The following NPSR1 variants were observed in gnomAD, a reference collection of about 807,000 sequenced individuals.
NPSR1 encodes the protein neuropeptide S receptor.
Under a neutral mutation model 46.9 loss-of-function variants are expected in NPSR1, and 48 were observed. The observed-to-expected ratio is 1.02, with a 90% CI of 0.81 to 1.30. NPSR1 has a LOEUF of 1.30. Ranked by LOEUF, NPSR1 falls within the 50% of genes most tolerant of loss-of-function variation. The probability of loss-of-function intolerance (pLI) is 0.00; values close to 1 mark genes in which losing one functional copy is unlikely to be tolerated. For missense variants in NPSR1, 450 were observed against 449.5 expected (o/e 1.00, Z -0.01); for synonymous variants, 176 against 168.1 (o/e 1.05, Z -0.36).
intron 1 of NPSR1, among the ~76,000 whole-genome samples, chr7:34,666,331 ACCT>A (rs1465471031): frequency 6.8e-6 from 1 of 147,890 alleles, no homozygotes; most frequent in African/African-American, 2.5e-5. Context: ...CTTAGTTTCA[ACCT>A]CCTCCTCACT....
At chr7:34,877,567 A>G (rs2392287) in intron 8 of NPSR1, among the ~76,000 whole-genome samples, 21 of 152,294 alleles carry the variant, frequency 1.4e-4, no homozygotes, top group Middle Eastern at 3.4e-3. Context: ...GACTACACAC[A>G]CCTGATGAGG....
chr7:34,700,724 A>C (rs1292444568), intron 2 of NPSR1, among the ~76,000 whole-genome samples: 1 of 152,162 alleles, frequency 6.6e-6, no homozygotes, highest in East Asian at 1.9e-4. Context: ...GAATCTCAGC[A>C]TTTCTACTTC....
intron 3 of NPSR1, among the ~76,000 whole-genome samples, chr7:34,785,938 G>A (rs1413947137): frequency 6.6e-6 from 1 of 152,120 alleles, no homozygotes; most frequent in Non-Finnish European, 1.5e-5. Flanking sequence ...CCTTTTTACT[G>A]TTGGAAGGTC....
intron 2 of NPSR1, among the ~76,000 whole-genome samples, chr7:34,772,039 AT>A (rs1390090377): frequency 7.9e-5 from 12 of 152,310 alleles, no homozygotes; most frequent in African/African-American, 2.9e-4. Context: ...TTTCTGTACC[AT>A]TTATTGTAAC....
At chr7:34,678,911 G>A (rs2531840) in intron 1 of NPSR1, among the ~76,000 whole-genome samples, 60,509 of 151,842 alleles carry the variant, frequency 0.4, 12,540 homozygotes, top group South Asian at 0.47. Flanking sequence ...CCCGAAAAGA[G>A]AAGTATGTTA....
intron 4 of NPSR1, among the ~76,000 whole-genome samples, chr7:34,815,912 G>C (rs1444580434): frequency 6.6e-6 from 1 of 152,112 alleles, no homozygotes; most frequent in Non-Finnish European, 1.5e-5. Context: ...AGCTCCTGAA[G>C]GAAGCACTAA....
intron 4 of NPSR1, among the ~76,000 whole-genome samples, chr7:34,813,497 G>A (rs999107552): frequency 6.6e-6 from 1 of 152,138 alleles, no homozygotes; most frequent in Admixed American, 6.5e-5. Flanking sequence ...GGAAGTGGTA[G>A]AGCCATGGGC....
chr7:34,682,637 C>T (rs1057226125), intron 1 of NPSR1, among the ~76,000 whole-genome samples: 5 of 152,142 alleles, frequency 3.3e-5, no homozygotes, highest in Admixed American at 2.0e-4. Flanking sequence ...TGTCAGTCTA[C>T]GACATCAAAG....
At chr7:34,827,656 C>G (rs1584108137) in intron 5 of NPSR1, 54 bp downstream of exon 5, 1 of 966,048 alleles carries the variant, frequency 1.0e-6, no homozygotes, top group East Asian at 3.9e-5. Flanking sequence ...GGGGGGCTTT[C>G]CTGTTTCTCC....
intron 2 of NPSR1, among the ~76,000 whole-genome samples, chr7:34,687,310 G>T (rs923120967): frequency 3.3e-5 from 5 of 152,058 alleles, no homozygotes; most frequent in Non-Finnish European, 7.4e-5. Flanking sequence ...AAAACCATAA[G>T]ATATACAGTG....
At chr7:34,798,396 G>A (rs1176022331) in intron 3 of NPSR1, among the ~76,000 whole-genome samples, 2 of 152,038 alleles carry the variant, frequency 1.3e-5, no homozygotes, top group Admixed American at 6.6e-5. Context: ...TAGGCCAGAT[G>A]TGGTGGCACG....
rs575056647 is a variant in NPSR1 at position 34,735,913 on chromosome 7, AT to A, written c.281-42548del. ...AATAAAATTGTAATAGTATAAAAAA[AT>A]CTCAACATGAATAAAAAGCAGAATA... On this transcript the variant is annotated intron_variant, in intron 2 of 8. Transcript: ENST00000360581. 1.3e-3 allele frequency among the ~76,000 whole-genome samples: 198 copies of A among 152,326 alleles called. 1 individual carries two copies. Among genetic ancestry groups the A allele is most frequent in the African/African-American group, 4.6e-3 (192 of 41,570 alleles).
intron 3 of NPSR1, among the ~76,000 whole-genome samples, chr7:34,780,318 T>G (rs899003803): frequency 6.6e-6 from 1 of 152,302 alleles, no homozygotes; most frequent in East Asian, 1.9e-4. Flanking sequence ...ACCTATGGTT[T>G]CTCCCAATTG....
intron 2 of NPSR1, among the ~76,000 whole-genome samples, chr7:34,700,027 A>G (rs1793739177): frequency 6.6e-6 from 1 of 152,136 alleles, no homozygotes; most frequent in African/African-American, 2.4e-5. Context: ...AAATGAGAAA[A>G]CACATACTTA....
At chr7:34,751,129 T>C in intron 2 of NPSR1, 1 of 879,086 alleles carries the variant, frequency 1.1e-6, no homozygotes, top group South Asian at 1.3e-5. Context: ...CCCCACTGTT[T>C]TCCACACTGG....
Position 34,877,951 on chromosome 7 carries a change from C to A in NPSR1, c.1026-125C>A, listed in dbSNP as rs1050806439. On this transcript the variant is annotated intron_variant, in intron 8 of 8. Coordinates refer to the NPSR1 transcript ENST00000359791. ...GTGGTATTAAGTACAAAGTGAAGAACCGAGGCGGGAGGTAGACTATATCTT... is the reference window on the plus strand; with the variant it reads ...GTGGTATTAAGTACAAAGTGAAGAAACGAGGCGGGAGGTAGACTATATCTT... The A allele has an allele frequency of 2.4e-5, 14 of 580,722 alleles. No individual in the cohort carries two copies. In the Admixed American group the frequency reaches 4.2e-4, roughly 17 times the overall value. 36.0% of individuals were successfully genotyped at this position (580,722 alleles called of 1,614,324 possible). A position where few individuals can be genotyped will look rare whatever the true frequency, so the allele number is the denominator to read the frequency against.
chr7:34,874,644 C>T (rs1392583322), intron 8 of NPSR1, among the ~76,000 whole-genome samples: 7 of 152,278 alleles, frequency 4.6e-5, no homozygotes, highest in African/African-American at 1.4e-4. Flanking sequence ...AGGGTTGGAT[C>T]TTTGGAGCTT....
At chr7:34,661,681 T>C (rs903686601) in intron 1 of NPSR1, among the ~76,000 whole-genome samples, 1 of 152,090 alleles carries the variant, frequency 6.6e-6, no homozygotes, top group Non-Finnish European at 1.5e-5. Flanking sequence ...AGGTCTAGGG[T>C]GGGTTCACCC....
intron 5 of NPSR1, among the ~76,000 whole-genome samples, chr7:34,828,546 C>T (rs1376427084): frequency 6.6e-6 from 1 of 152,138 alleles, no homozygotes; most frequent in African/African-American, 2.4e-5. Flanking sequence ...AGAGACCTGG[C>T]ACATTGTGTG....
Sources: gnomAD v4.1 joint callset for allele counts (sites outside exome capture counted in the v4.1 genomes callset) on GRCh38, gnomAD v4.1.1 for gene constraint, MANE v1.5 for transcripts, NCBI Gene and HGNC (gene_info 2026-07-23, HGNC 2026-07-21) for gene names.